The following CD8A variants were observed in gnomAD, a reference collection of about 807,000 sequenced individuals.
The protein encoded by CD8A is CD8 subunit alpha.
CD8A carries 25 observed loss-of-function variants against 24.2 expected under a neutral mutation model. The ratio of observed to expected loss-of-function variants is 1.03; its 90% CI spans 0.75 to 1.44. The LOEUF (loss-of-function observed/expected upper bound fraction) is 1.44, where lower values mean the gene tolerates loss of function less well. Ranked by LOEUF, CD8A falls within the 40% of genes most tolerant of loss-of-function variation. The pLI is 0.00. For missense variants in CD8A, 360 were observed against 319.7 expected, an observed-to-expected ratio of 1.13 and a Z score of -0.96; for synonymous variants, 165 against 149.9, an observed-to-expected ratio of 1.10 and a Z score of -0.74.
At chr2:86,803,349 A>C (rs1272007055) in intron 2 of CD8A, among the ~76,000 whole-genome samples, 1 of 152,218 alleles carries the variant, frequency 6.6e-6, no homozygotes, top group Non-Finnish European at 1.5e-5. Flanking sequence ...ATAATAACCA[A>C]GATATGGAGA....
chr2:86,806,698 T>C (rs970211526), intron 2 of CD8A, among the ~76,000 whole-genome samples: 2 of 152,086 alleles, frequency 1.3e-5, no homozygotes, highest in African/African-American at 4.8e-5. Context: ...CTGGGCCACA[T>C]AGTGAGGCCC....
At chr2:86,791,409 G>T, upstream of CD8A, 1 of 422,508 alleles carries the variant, frequency 2.4e-6, no homozygotes, top group Non-Finnish European at 4.8e-6. Context: ...CCTTCCCCCA[G>T]GAGATTTCCA....
rs764119617 is a variant in CD8A, at chr2:86,790,760, G to A, written c.49+17C>T. The A allele has an allele frequency of 1.5e-5, 13 of 845,776 alleles. No homozygotes were observed. The Admixed American group carries it at 3.1e-4, about 20-fold the overall frequency. 52.4% of individuals were successfully genotyped at this position (845,776 alleles called of 1,614,324 possible). A position where few individuals can be genotyped will look rare whatever the true frequency, so the allele number is the denominator to read the frequency against. On this transcript the variant is annotated intron_variant, in intron 1 of 5. Coordinates refer to ENST00000283635, the MANE Select transcript of CD8A (RefSeq NM_001768.7). ...CGCCCGCCCCATCCCCTGCCTTCCC[G>A]GGCGTCTCAAACTCACGGAGCAGCA... is the stretch of plus-strand genomic sequence containing the variant.
At position 86,790,579 on chromosome 2, in the gene CD8A, G is replaced by C. The variant is rs778854751; in HGVS notation, c.152C>G (p.Thr51Arg). Residue 51 changes from threonine to arginine, a missense_variant, in exon 2 of 6, where the codon ACG becomes AGG. Coordinates refer to ENST00000283635, the MANE Select transcript of CD8A (RefSeq NM_001768.7). ...LKCQVLLSNP[T>R]SGCSWLFQPR... ...CTGGAAGAGCCACGAGCAGCCCGACGTCGGGTTGGACAGCAGCACCTGGCA... is the reference window on the plus strand; with the variant it reads ...CTGGAAGAGCCACGAGCAGCCCGACCTCGGGTTGGACAGCAGCACCTGGCA... The C allele has an allele frequency of 6.2e-7, 1 of 1,612,462 alleles. No individual in the cohort carries two copies. Among genetic ancestry groups the C allele is most frequent in the Non-Finnish European group, 8.5e-7 (1 of 1,179,904 alleles).
Position 86,790,378 on chromosome 2 carries a change from A to T in CD8A, c.353T>A (p.Leu118Gln), listed in dbSNP as rs753216829. Residue 118 changes from leucine to glutamine, a missense_variant, in exon 2 of 6, where the codon CTG becomes CAG. Leu to Gln is a moderately radical substitution (Grantham distance 113, BLOSUM62 -2). Coordinates refer to ENST00000283635, the MANE Select transcript of CD8A (RefSeq NM_001768.7). ...ENEGYYFCSA[L>Q]SNSIMYFSHF... is the part of the protein sequence containing the mutation. ...GCTGAAGTACATGATGGAGTTGCTC[A>T]GGGCCGAGCAGAAATAGTAGCCCTC... 20 of 1,613,912 alleles carry T rather than the reference A, an allele frequency of 1.2e-5. No homozygotes were observed. In the African/African-American group the frequency reaches 2.4e-4, roughly 19 times the overall value.
chr2:86,798,482 C>A (rs1039648238), intron 3 of CD8A, among the ~76,000 whole-genome samples: 1 of 150,954 alleles, frequency 6.6e-6, no homozygotes, highest in Admixed American at 6.6e-5. Context: ...GCCAGAAACA[C>A]AACTTTCTTA....
intron 5 of CD8A, among the ~76,000 whole-genome samples, chr2:86,787,981 G>T (rs894797515): frequency 6.6e-6 from 1 of 151,716 alleles, no homozygotes; most frequent in Non-Finnish European, 1.5e-5. Context: ...ATAGCCAATT[G>T]TCCCTGCATC....
upstream of CD8A, among the ~76,000 whole-genome samples, chr2:86,795,795 C>T (rs1673463337): frequency 6.6e-6 from 1 of 151,990 alleles, no homozygotes; most frequent in African/African-American, 2.4e-5. Context: ...ACTGTGGGCC[C>T]TGGAAAGTCA....
intron 2 of CD8A, among the ~76,000 whole-genome samples, chr2:86,806,742 T>A (rs1409844518): frequency 6.6e-6 from 1 of 152,128 alleles, no homozygotes; most frequent in African/African-American, 2.4e-5. Flanking sequence ...AATTCCCTCG[T>A]AAAGTCACAC....
At chr2:86,787,898 A>AGAGAGAGAGTGTGTGTGTGTGT (rs369993109) in intron 5 of CD8A, among the ~76,000 whole-genome samples, 196 of 144,578 alleles carry the variant, frequency 1.4e-3, no homozygotes, top group African/African-American at 3.9e-3. Flanking sequence ...AGAGAGAGAG[A>AGAGAGAGAGTGTGTGTGTGTGT]GTGTGTGTGT....
Position 86,787,898 on chromosome 2 carries a change from A to AGAGTGTGTGT in CD8A, c.656+631_656+632insACACACACTC, listed in dbSNP as rs369993109. ...TTAACAGAGAGGGAGAGAGAGAGAG[A>AGAGTGTGTGT]GTGTGTGTGTGTGTGTGTGTGTGTG... is the stretch of plus-strand genomic sequence containing the variant. On this transcript the variant is annotated intron_variant, in intron 5 of 5. Transcript: ENST00000283635. Among the ~76,000 whole-genome samples, 632 of 144,584 alleles carry AGAGTGTGTGT rather than the reference A, an allele frequency of 4.4e-3. 4 individuals carry two copies. Among genetic ancestry groups the AGAGTGTGTGT allele is most frequent in the African/African-American group, 0.015 (593 of 38,978 alleles). 94.9% of individuals were successfully genotyped at this position (144,584 alleles called of 152,430 possible). A position where few individuals can be genotyped will look rare whatever the true frequency, so the allele number is the denominator to read the frequency against.
upstream of CD8A, among the ~76,000 whole-genome samples, chr2:86,794,254 T>A (rs1322125021): frequency 6.6e-6 from 1 of 152,198 alleles, no homozygotes; most frequent in African/African-American, 2.4e-5. Flanking sequence ...CCAGTTTCTA[T>A]GCTGATTTAA....
At chr2:86,804,340 T>C (rs556009015) in intron 2 of CD8A, among the ~76,000 whole-genome samples, 1 of 152,316 alleles carries the variant, frequency 6.6e-6, no homozygotes, top group East Asian at 1.9e-4. Flanking sequence ...AACCAAATAC[T>C]GTATGATTCT....
chr2:86,787,036 A>AAAAAAAG (rs1375316030), intron 5 of CD8A, among the ~76,000 whole-genome samples: 205 of 141,086 alleles, frequency 1.5e-3, no homozygotes, highest in Non-Finnish European at 2.7e-3. Flanking sequence ...AAAAAAAAAA[A>AAAAAAAG]AAAAGAAAAG....
intron 2 of CD8A, among the ~76,000 whole-genome samples, chr2:86,803,551 TTTTA>T (rs1217417108): frequency 2.0e-5 from 3 of 152,178 alleles, no homozygotes; most frequent in Non-Finnish European, 4.4e-5. Context: ...ATGTGGAATC[TTTTA>T]TTTATTTATT....
rs1165098264 is a variant in CD8A, at chr2:86,790,384, G to A, written c.347C>T (p.Ser116Leu). ...GTACATGATGGAGTTGCTCAGGGCC[G>A]AGCAGAAATAGTAGCCCTCGTTCTC... ...RRENEGYYFC[S>L]ALSNSIMYFS... The change falls in exon 2 of 6, where the codon TCG (serine) becomes TTG (leucine). Residue 116 changes from serine (S) to leucine (L), a missense_variant. Coordinates refer to ENST00000283635, the MANE Select transcript of CD8A (RefSeq NM_001768.7). 6.2e-6 allele frequency: 10 copies of A among 1,614,128 alleles called. No homozygotes were observed. Among genetic ancestry groups the A allele is most frequent in the Admixed American group, 5.0e-5 (3 of 60,034 alleles).
intron 3 of CD8A, among the ~76,000 whole-genome samples, chr2:86,795,918 A>G (rs1437677180): frequency 6.6e-6 from 1 of 152,242 alleles, no homozygotes; most frequent in African/African-American, 2.4e-5. Context: ...GTATACATAA[A>G]AAAGACTCAA....
chr2:86,786,710 C>T (rs913126707), intron 5 of CD8A, among the ~76,000 whole-genome samples: 1 of 152,106 alleles, frequency 6.6e-6, no homozygotes, highest in African/African-American at 2.4e-5. Context: ...TTCCAAAGTG[C>T]ACCCTGAATA....
intron 5 of CD8A, among the ~76,000 whole-genome samples, chr2:86,787,063 TA>T (rs1406990438): frequency 9.3e-6 from 1 of 108,094 alleles, no homozygotes; most frequent in Non-Finnish European, 1.9e-5. Context: ...AAAGAAAAGC[TA>T]AAAACTTCCC....
Sources: gnomAD v4.1 joint callset for allele counts (sites outside exome capture counted in the v4.1 genomes callset) on GRCh38, gnomAD v4.1.1 for gene constraint, MANE v1.5 for transcripts, NCBI Gene and HGNC (gene_info 2026-07-23, HGNC 2026-07-21) for gene names.